Variants in DIP2A observed in about 807,000 individuals in gnomAD.
DIP2A encodes the protein DIP2 acetate--CoA ligase A.
In DIP2A, 85 loss-of-function variants were observed where a neutral mutation model predicts 177.4. The ratio of observed to expected loss-of-function variants is 0.48; its 90% CI spans 0.40 to 0.57. The LOEUF (loss-of-function observed/expected upper bound fraction) is 0.57. Among genes scored for constraint, DIP2A ranks in the 20% least tolerant of loss-of-function variants. The probability of loss-of-function intolerance (pLI) is 0.00; values close to 1 mark genes in which losing one functional copy is unlikely to be tolerated. For missense variants in DIP2A, 1,791 were observed against 2,100.2 expected (o/e 0.85, Z 2.88); for synonymous variants, 886 against 881.8 (o/e 1.00, Z -0.08).
At chr21:46,509,632 C>A (rs1040253813) in intron 7 of DIP2A, among the ~76,000 whole-genome samples, 1 of 152,146 alleles carries the variant, frequency 6.6e-6, no homozygotes, top group Non-Finnish European at 1.5e-5. Flanking sequence ...ATTTAACTTA[C>A]ATTATTTAAA....
intron 8 of DIP2A, among the ~76,000 whole-genome samples, chr21:46,516,422 A>G (rs1416970683): frequency 6.8e-6 from 1 of 146,942 alleles, no homozygotes; most frequent in Non-Finnish European, 1.5e-5. Context: ...TTTCTTATAT[A>G]TACTTCAATT....
In DIP2A at chr21:46,484,832, A is replaced by G. The variant is rs2056580434; in HGVS notation, c.163+4A>G. 2 of 1,571,424 alleles carry G rather than the reference A, an allele frequency of 1.3e-6. No individual in the cohort carries two copies. The highest frequency in any genetic ancestry group is 1.7e-6 in the Non-Finnish European group (2 of 1,159,886). ...CGTTATATACCGCTTATTCAAGGTA[A>G]GGTCAATACACTCAGGTGTTACATA... On this transcript the variant is annotated splice_donor_region_variant and intron_variant, in intron 2 of 37. Coordinates refer to ENST00000417564, the MANE Select transcript of DIP2A (RefSeq NM_015151.4).
rs199562253 is a variant in DIP2A, at chr21:46,498,589, G to C, written c.411G>C (p.Ser137=). Residue 137 remains serine (S), a synonymous_variant, in exon 5 of 38, where the codon TCG becomes TCC. Transcript: ENST00000417564. The surrounding 1 kb of genome is among the most constrained non-coding windows in gnomAD (Gnocchi z 4.3). ...TCGTTATTTTAACCACAGACACGTCGTCTGCCTCAGAAGATGAGGGCTCTT... is the reference window on the plus strand; with the variant it reads ...TCGTTATTTTAACCACAGACACGTCCTCTGCCTCAGAAGATGAGGGCTCTT... ...SVETYTPPDT[S]SASEDEGSLR... is the part of the protein sequence containing the mutation. The C allele has an allele frequency of 3.1e-6, 5 of 1,606,708 alleles. No individual in the cohort carries two copies. The African/African-American group carries it at 6.7e-5, about 21-fold the overall frequency.
intron 8 of DIP2A, among the ~76,000 whole-genome samples, chr21:46,522,741 C>T (rs1322693216): frequency 6.6e-6 from 1 of 152,116 alleles, no homozygotes; most frequent in Non-Finnish European, 1.5e-5. Flanking sequence ...AGAGCAGAGC[C>T]TTAGATTTTG....
In DIP2A at chr21:46,533,593, G is replaced by A. The variant is rs759454118; in HGVS notation, c.1375G>A (p.Ala459Thr). Residue 459 changes from alanine to threonine, a missense_variant, in exon 11 of 38, where the codon GCT becomes ACT. By Grantham distance (58) the Ala-to-Thr change is moderately conservative. Transcript: ENST00000417564. The stretch of plus-strand genomic sequence containing the variant: ...AGTCTTCTTGGCCCTGACCACAGAC[G>A]CTTGTCAGAAAGGCCTCCCCAAGGC... ...CGVFLALTTD[A>T]CQKGLPKAQT... 60 of 1,613,924 alleles carry A rather than the reference G, an allele frequency of 3.7e-5. No individual in the cohort carries two copies. The highest frequency in any genetic ancestry group is 5.3e-5 in the African/African-American group (4 of 74,934).
the DIP2A span, among the ~76,000 whole-genome samples, chr21:46,578,080 G>T: frequency 6.6e-6 from 1 of 152,180 alleles, no homozygotes; most frequent in South Asian, 2.1e-4. Flanking sequence ...TTAGGAGGCC[G>T]AGGTGGGTGG....
chr21:46,477,158 T>C (rs1047612521), intron 1 of DIP2A, among the ~76,000 whole-genome samples: 1 of 152,150 alleles, frequency 6.6e-6, no homozygotes, highest in Non-Finnish European at 1.5e-5. Context: ...TGGGTAAATC[T>C]AGCAACATTG....
intron 1 of DIP2A, among the ~76,000 whole-genome samples, chr21:46,468,720 A>C (rs2055082255): frequency 6.6e-6 from 1 of 152,188 alleles, no homozygotes; most frequent in South Asian, 2.1e-4. Context: ...CAAACAGGAA[A>C]GGAAGAAACT....
At chr21:46,574,369 A>C (rs2060981540), downstream of DIP2A, among the ~76,000 whole-genome samples, 3 of 152,314 alleles carry the variant, frequency 2.0e-5, no homozygotes, top group South Asian at 4.1e-4. Flanking sequence ...ATAAATGCTT[A>C]CATTAAAAAC....
rs1799253510 is a variant in DIP2A, at chr21:46,566,669, G to C, written c.4449G>C (p.Arg1483Ser). 6.2e-7 allele frequency: 1 copy of C among 1,614,204 alleles called. No homozygotes were observed. The highest frequency in any genetic ancestry group is 8.5e-7 in the Non-Finnish European group (1 of 1,180,018). ...AGACCTCTGTCATCCGAGCACACAG[G>C]AGCATCGCTGAGTGGTAAGAGCCCA... is the stretch of plus-strand genomic sequence containing the variant. ...DIETSVIRAH[R>S]SIAECAVFTW... The change falls in exon 37 of 38, where the codon AGG (arginine) becomes AGC (serine). Residue 1483 changes from arginine to serine, a missense_variant. Arg to Ser is a moderately radical substitution (Grantham distance 110). Coordinates refer to ENST00000417564, the MANE Select transcript of DIP2A (RefSeq NM_015151.4).
intron 13 of DIP2A, among the ~76,000 whole-genome samples, chr21:46,536,321 C>A (rs1271419541): frequency 6.6e-6 from 1 of 152,230 alleles, no homozygotes; most frequent in African/African-American, 2.4e-5. Context: ...TGGCCAGGGG[C>A]TCTGAGCAGA....
Position 46,554,224 on chromosome 21 carries a change from T to A in DIP2A, c.3086T>A (p.Val1029Glu). ...CVQLHKRAERVAAALMEKGRL... is the reference protein window; with the variant it reads ...CVQLHKRAEREAAALMEKGRL... ...CAGCTGCACAAAAGGGCTGAGAGAG[T>A]GGCCGCGGCTCTGATGGAGAAGGGA... Residue 1029 changes from valine (V) to glutamate (E), a missense_variant, in exon 26 of 38, where the codon GTG becomes GAG. Transcript: ENST00000417564. The A allele has an allele frequency of 6.2e-7, 1 of 1,613,540 alleles. No homozygotes were observed. Among genetic ancestry groups the A allele is most frequent in the Non-Finnish European group, 8.5e-7 (1 of 1,179,758 alleles).
At position 46,537,863 on chromosome 21, in the gene DIP2A, G is replaced by C. The variant is rs1462210828; in HGVS notation, c.1801+324G>C. 1.3e-5 allele frequency among the ~76,000 whole-genome samples: 2 copies of C among 152,204 alleles called. No homozygotes were observed. Among genetic ancestry groups the C allele is most frequent in the African/African-American group, 2.4e-5 (1 of 41,450 alleles). ...GCCACACCTGCACAGTTGGCAGTCT[G>C]TGTCTCTGCCCTGTGGAGCTCAGTG... On this transcript the variant is annotated intron_variant, in intron 15 of 37. Transcript: ENST00000417564. The surrounding 1 kb of genome is among the most constrained non-coding windows in gnomAD (Gnocchi z 4.1).
Position 46,567,611 on chromosome 21 carries a change from T to C in DIP2A, c.4705T>C (p.Tyr1569His). The C allele has an allele frequency of 6.3e-7, 1 of 1,599,318 alleles. No homozygotes were observed. The highest frequency in any genetic ancestry group is 8.5e-7 in the Non-Finnish European group (1 of 1,171,756). ...ADQLDPIYVA[Y>H]NM ...CCAGCTGGACCCCATCTATGTCGCC[T>C]ACAACATGTGAGCGCAGCACACCGG... The change falls in exon 38 of 38, where the codon TAC becomes CAC. Residue 1569 changes from tyrosine (Y) to histidine (H), a missense_variant. Coordinates refer to ENST00000417564, the MANE Select transcript of DIP2A (RefSeq NM_015151.4).
At chr21:46,511,743 T>A in intron 8 of DIP2A, 129 bp downstream of exon 8, 1 of 989,546 alleles carries the variant, frequency 1.0e-6, no homozygotes, top group Non-Finnish European at 1.4e-6. Flanking sequence ...AAATAGAACA[T>A]TGACCTATAC....
intron 1 of DIP2A, among the ~76,000 whole-genome samples, chr21:46,464,866 T>A (rs551416737): frequency 8.5e-6 from 1 of 117,936 alleles, no homozygotes; most frequent in Admixed American, 1.1e-4. Context: ...ACAACAAATG[T>A]CAGAATATGA....
chr21:46,537,685 C>T lies in DIP2A; in HGVS notation c.1801+146C>T. 1.3e-6 allele frequency: 1 copy of T among 792,906 alleles called. No homozygotes were observed. The highest frequency in any genetic ancestry group is 2.7e-5 in the East Asian group (1 of 37,730). The allele number at this position is 792,906 out of a possible 1,614,324, so 49.1% of individuals were successfully genotyped here. On this transcript the variant is annotated intron_variant, in intron 15 of 37. Transcript: ENST00000417564. This position sits in a 1 kb window ranked among gnomAD's most constrained non-coding sequence, Gnocchi z 4.1. ...GTGGGACGTCTTTCTTGGTCACACCCCTGCCCAGGAATATGGGGGCTTTCT... is the reference window on the plus strand; with the variant it reads ...GTGGGACGTCTTTCTTGGTCACACCTCTGCCCAGGAATATGGGGGCTTTCT...
At chr21:46,573,086 A>C (rs1225573961), downstream of DIP2A, among the ~76,000 whole-genome samples, 1 of 152,146 alleles carries the variant, frequency 6.6e-6, no homozygotes, top group East Asian at 1.9e-4. Flanking sequence ...TTGTTAAGTA[A>C]TGCATGGCTG....
chr21:46,504,607 C>A, intron 6 of DIP2A, 118 bp downstream of exon 6: 1 of 1,252,736 alleles, frequency 8.0e-7, no homozygotes, highest in Non-Finnish European at 1.1e-6. Flanking sequence ...CAGTTTTAAT[C>A]CATGCAGATA....
Sources: allele counts gnomAD v4.1 joint callset (sites outside exome capture counted in the v4.1 genomes callset), GRCh38; gene constraint gnomAD v4.1.1; non-coding constraint Gnocchi (gnomAD v3.1); transcripts MANE v1.5; gene names NCBI Gene and HGNC (gene_info 2026-07-23, HGNC 2026-07-21).